Variants in CD8B2 observed in about 807,000 individuals in gnomAD.
CD8B2 encodes CD8B family member 2.
A neutral mutation model predicts 23.7 loss-of-function variants in CD8B2; 11 were observed. That is an observed-to-expected ratio of 0.46 (90% CI 0.29 to 0.77). The LOEUF (loss-of-function observed/expected upper bound fraction) is 0.77. Ranked by LOEUF, CD8B2 falls within the 30% of genes least tolerant of loss-of-function variation. The pLI is 0.09. For missense variants in CD8B2, 197 were observed against 270.5 expected (o/e 0.73, Z 1.91); for synonymous variants, 90 against 109.3 (o/e 0.82, Z 1.10).
At chr2:106,498,382 AGGT>A (rs754485136) in intron 3 of CD8B2, among the ~76,000 whole-genome samples, 54 of 152,202 alleles carry the variant, frequency 3.5e-4, no homozygotes, top group Non-Finnish European at 6.6e-4. Context: ...TCCTGACTTC[AGGT>A]GATCCACCTG....
Position 106,499,481 on chromosome 2 carries a change from G to A in CD8B2, c.494-2993G>A, listed in dbSNP as rs528232234. 4.7e-5 allele frequency among the ~76,000 whole-genome samples: 7 copies of A among 147,898 alleles called. No individual in the cohort carries two copies. The East Asian group carries it at 6.0e-4, about 13-fold the overall frequency. On this transcript the variant is annotated intron_variant, in intron 3 of 5. Transcript: ENST00000643224. ...CAGGAGGTGGAGGTTGTGGTGAGCC[G>A]AGATCACGCCATTGCACTTCAGCCT...
intron 5 of CD8B2, among the ~76,000 whole-genome samples, chr2:106,516,171 G>A (rs574115263): frequency 6.6e-6 from 1 of 152,152 alleles, no homozygotes; most frequent in South Asian, 2.1e-4. Context: ...AGTGATGGGA[G>A]CCCTTTCTGC....
intron 3 of CD8B2, among the ~76,000 whole-genome samples, chr2:106,498,414 C>T (rs374999724): frequency 0.01 from 1,535 of 152,278 alleles, 31 homozygotes; most frequent in African/African-American, 0.034. Context: ...TCCCAAAGTG[C>T]TGGGATTACA....
chr2:106,504,628 T>G (rs1467572455), intron 5 of CD8B2, among the ~76,000 whole-genome samples: 1 of 151,646 alleles, frequency 6.6e-6, no homozygotes, highest in Admixed American at 6.6e-5. Context: ...GGTGATAGAG[T>G]TCAGGAACCT....
intron 3 of CD8B2, among the ~76,000 whole-genome samples, chr2:106,499,790 G>A (rs1163318817): frequency 6.8e-6 from 1 of 147,736 alleles, no homozygotes; most frequent in East Asian, 2.0e-4. Flanking sequence ...GCATCTCATA[G>A]AAGTGGAATC....
chr2:106,534,818 A>T (rs1680061231), intron 5 of CD8B2, among the ~76,000 whole-genome samples: 1 of 35,558 alleles, frequency 2.8e-5, no homozygotes, highest in Admixed American at 4.0e-4. Context: ...CATTTTTGAG[A>T]CCTAATGTTT....
At chr2:106,515,089 C>CT (rs2104565363), downstream of CD8B2, among the ~76,000 whole-genome samples, 1 of 152,364 alleles carries the variant, frequency 6.6e-6, no homozygotes, top group East Asian at 1.9e-4. Context: ...TCGCAACACT[C>CT]TTACAGACAC....
At chr2:106,504,743 T>G (rs1164010110) in intron 5 of CD8B2, among the ~76,000 whole-genome samples, 2 of 152,178 alleles carry the variant, frequency 1.3e-5, no homozygotes, top group African/African-American at 4.8e-5. Context: ...ATGCACAGAA[T>G]ACCGCAGAGT....
At chr2:106,522,086 C>T (rs1189700496) in intron 5 of CD8B2, 1 of 152,226 alleles carries the variant, frequency 6.6e-6, no homozygotes, top group Non-Finnish European at 1.5e-5. Context: ...GACAGTGCCA[C>T]CCATCTTCAT....
chr2:106,504,364 C>T, intron 5 of CD8B2, 39 bp downstream of exon 5: 1 of 1,554,616 alleles, frequency 6.4e-7, no homozygotes, highest in South Asian at 1.2e-5. Context: ...GGTTCCTCAG[C>T]CCCTGCTGCA....
chr2:106,512,170 G>A (rs777714329), downstream of CD8B2, among the ~76,000 whole-genome samples: 9 of 152,128 alleles, frequency 5.9e-5, no homozygotes, highest in Non-Finnish European at 7.4e-5. Flanking sequence ...CTGTCTCCCC[G>A]GCTCAAGCGA....
chr2:106,502,663 G>A, intron 4 of CD8B2, 100 bp downstream of exon 4: 1 of 634,090 alleles, frequency 1.6e-6, no homozygotes, highest in Non-Finnish European at 2.7e-6. Context: ...ATGGCAGCCT[G>A]GTGGGAATTT....
chr2:106,497,400 G>C (rs1470129732), intron 3 of CD8B2, among the ~76,000 whole-genome samples: 1 of 152,164 alleles, frequency 6.6e-6, no homozygotes, highest in African/African-American at 2.4e-5. Flanking sequence ...ACCTCAGCTG[G>C]AGTGTACGCA....
chr2:106,511,248 G>C (rs1679625367), downstream of CD8B2, among the ~76,000 whole-genome samples: 5 of 152,186 alleles, frequency 3.3e-5, no homozygotes, highest in Admixed American at 3.3e-4. Context: ...GTAGACTTTG[G>C]GCGAGCTACA....
chr2:106,490,796 C>A, intron 1 of CD8B2, 78 bp from the exon 2 acceptor site: 1 of 1,531,262 alleles, frequency 6.5e-7, no homozygotes, highest in Non-Finnish European at 8.8e-7. Context: ...TCCTTTGACA[C>A]TTGACTCAGT....
chr2:106,503,152 G>A (rs1350315810), intron 4 of CD8B2, among the ~76,000 whole-genome samples: 4 of 151,556 alleles, frequency 2.6e-5, no homozygotes, highest in African/African-American at 4.9e-5. Context: ...CAAGAAAGAC[G>A]GGGAGCCGGA....
Position 106,507,786 on chromosome 2 carries a change from G to C in CD8B2, c.*846G>C, listed in dbSNP as rs1228642833. On this transcript the variant is annotated 3_prime_UTR_variant, in exon 6 of 6. Transcript: ENST00000643224. ...CCTTTTGCACCTGAGATCCTCATTT[G>C]CCCGACATTGTAGGTGTGGAGAGTC... 9.5e-6 allele frequency: 3 copies of C among 316,042 alleles called. No homozygotes were observed. The highest frequency in any genetic ancestry group is 6.8e-5 in the African/African-American group (3 of 44,368). 19.6% of individuals were successfully genotyped at this position (316,042 alleles called of 1,614,324 possible). A position where few individuals can be genotyped will look rare whatever the true frequency, so the allele number is the denominator to read the frequency against.
At chr2:106,541,347 C>T (rs1216247388) in intron 5 of CD8B2, among the ~76,000 whole-genome samples, 1 of 152,176 alleles carries the variant, frequency 6.6e-6, no homozygotes, top group African/African-American at 2.4e-5. Context: ...TCCCCCAAAA[C>T]CAGATTATTT....
chr2:106,499,475 T>C (rs1573332884), intron 3 of CD8B2, among the ~76,000 whole-genome samples: 2 of 143,680 alleles, frequency 1.4e-5, no homozygotes, highest in South Asian at 4.4e-4. Flanking sequence ...GAGGTTGTGG[T>C]GAGCCGAGAT....
Sources: allele counts gnomAD v4.1 joint callset (sites outside exome capture counted in the v4.1 genomes callset), GRCh38; gene constraint gnomAD v4.1.1; transcripts MANE v1.5; gene names NCBI Gene and HGNC (gene_info 2026-07-23, HGNC 2026-07-21).